SIK2: variants seen among roughly 807,000 people sequenced by gnomAD.
SIK2 encodes the protein serine/threonine-protein kinase SIK2.
Under a neutral mutation model 103.2 loss-of-function variants are expected in SIK2, and 29 were observed. The ratio of observed to expected loss-of-function variants is 0.28; its 90% CI spans 0.21 to 0.38. The LOEUF (loss-of-function observed/expected upper bound fraction) is 0.38. Among genes scored for constraint, SIK2 ranks in the 10% least tolerant of loss-of-function variants. The pLI, the probability that SIK2 is intolerant of heterozygous loss-of-function variation, is 1.00. For missense variants in SIK2, 879 were observed against 1,171.0 expected (o/e 0.75, Z 3.64); for synonymous variants, 412 against 446.1 (o/e 0.92, Z 0.96).
Position 111,722,354 on chromosome 11 carries a change from G to A in SIK2, c.2056-311G>A, listed in dbSNP as rs1943827485. ...CCGTAAAGGATGAATCATTCATTCAGCGGGTGCTGGGGCCTTTGCTCTCAA... is the reference window on the plus strand; with the variant it reads ...CCGTAAAGGATGAATCATTCATTCAACGGGTGCTGGGGCCTTTGCTCTCAA... On this transcript the variant is annotated intron_variant, in intron 13 of 14. Coordinates refer to ENST00000304987, the MANE Select transcript of SIK2 (RefSeq NM_015191.3). The surrounding 1 kb of genome is among the most constrained non-coding windows in gnomAD (Gnocchi z 4.4). 6.6e-6 allele frequency among the ~76,000 whole-genome samples: 1 copy of A among 152,240 alleles called. No individual in the cohort carries two copies. Among genetic ancestry groups the A allele is most frequent in the South Asian group, 2.1e-4 (1 of 4,834 alleles).
rs1389498947 is a variant in SIK2, at chr11:111,679,658, A to C, written c.317-8343A>C. On this transcript the variant is annotated intron_variant, in intron 3 of 14. Coordinates refer to ENST00000304987, the MANE Select transcript of SIK2 (RefSeq NM_015191.3). ...CTAATTAATACAGAATCAGACACCT[A>C]ATCCATTTTCTGCTAGTGTTCACAT... 2.0e-5 allele frequency among the ~76,000 whole-genome samples: 3 copies of C among 152,178 alleles called. No homozygotes were observed. In the East Asian group the frequency reaches 5.8e-4, roughly 29 times the overall value.
chr11:111,653,205 A>G (rs1461591462), intron 3 of SIK2, among the ~76,000 whole-genome samples: 1 of 152,210 alleles, frequency 6.6e-6, no homozygotes, highest in Non-Finnish European at 1.5e-5. Context: ...GCCATCCAAC[A>G]GTAAAGGTAA....
chr11:111,632,145 G>A (rs1175239309), intron 3 of SIK2, among the ~76,000 whole-genome samples: 1 of 152,274 alleles, frequency 6.6e-6, no homozygotes, highest in East Asian at 1.9e-4. Context: ...TTCACATTTG[G>A]CTTCAAGCTT....
At chr11:111,698,830 T>A (rs1943143125) in intron 4 of SIK2, among the ~76,000 whole-genome samples, 1 of 152,264 alleles carries the variant, frequency 6.6e-6, no homozygotes, top group Non-Finnish European at 1.5e-5. Flanking sequence ...TTATTGTATG[T>A]ATTTCAGGAT....
intron 3 of SIK2, among the ~76,000 whole-genome samples, chr11:111,651,496 A>G (rs1942325517): frequency 6.6e-6 from 1 of 152,120 alleles, no homozygotes; most frequent in African/African-American, 2.4e-5. Context: ...ACACAAAGAC[A>G]CAGGGCGGGG....
rs1943205725 is a variant in SIK2, at chr11:111,701,255, CA to C, written c.604-194del. ...AAGTAGTAATCAAAATTATCAGATTCAAATTCTTTGGTATTTATTATAAGAT... is the reference window on the plus strand; with the variant it reads ...AAGTAGTAATCAAAATTATCAGATTCAATTCTTTGGTATTTATTATAAGAT... On this transcript the variant is annotated intron_variant, in intron 5 of 14. Transcript: ENST00000304987. The surrounding 1 kb of genome is among the most constrained non-coding windows in gnomAD (Gnocchi z 4.2). 6.6e-6 allele frequency among the ~76,000 whole-genome samples: 1 copy of C among 152,138 alleles called. No individual in the cohort carries two copies. Among genetic ancestry groups the C allele is most frequent in the Admixed American group, 6.5e-5 (1 of 15,272 alleles).
intron 9 of SIK2, among the ~76,000 whole-genome samples, chr11:111,717,183 A>T (rs1335489724): frequency 2.0e-5 from 3 of 151,594 alleles, no homozygotes; most frequent in African/African-American, 4.8e-5. Context: ...GGGCGTGGTG[A>T]TGGGCGCCTG....
chr11:111,721,686 A>C (rs1943805322), intron 12 of SIK2, 144 bp from the exon 13 acceptor site: 1 of 572,286 alleles, frequency 1.7e-6, no homozygotes, highest in Non-Finnish European at 3.1e-6. Flanking sequence ...CCCTCAGCCT[A>C]CTGGCTCTGT....
Position 111,602,644 on chromosome 11 carries a change from C to G in SIK2, c.81C>G (p.Gly27=). Residue 27 remains glycine, a synonymous_variant, in exon 1 of 15, where the codon GGC becomes GGG. Coordinates refer to ENST00000304987, the MANE Select transcript of SIK2 (RefSeq NM_015191.3). The surrounding 1 kb of genome is among the most constrained non-coding windows in gnomAD (Gnocchi z 4.5). ...VGFYDIEGTL[G]KGNFAVVKLG... ...TCTACGACATCGAGGGCACGCTGGG[C>G]AAGGGCAACTTCGCTGTGGTGAAGC... The G allele has an allele frequency of 1.3e-6, 2 of 1,533,202 alleles. No homozygotes were observed. Among genetic ancestry groups the G allele is most frequent in the Non-Finnish European group, 1.8e-6 (2 of 1,139,120 alleles). The allele number at this position is 1,533,202 out of a possible 1,614,324, so 95.0% of individuals were successfully genotyped here.
intron 9 of SIK2, among the ~76,000 whole-genome samples, chr11:111,718,187 C>T (rs1371866658): frequency 6.6e-6 from 1 of 152,148 alleles, no homozygotes; most frequent in East Asian, 1.9e-4. Flanking sequence ...AATTAATGAT[C>T]TTCTTTTCTC....
intron 3 of SIK2, among the ~76,000 whole-genome samples, chr11:111,681,972 G>A (rs2135888609): frequency 6.6e-6 from 1 of 152,246 alleles, no homozygotes; most frequent in East Asian, 1.9e-4. Flanking sequence ...AAACTCTAAG[G>A]GTAAGTCCCA....
intron 4 of SIK2, among the ~76,000 whole-genome samples, chr11:111,694,363 A>AT (rs1943021422): frequency 6.6e-6 from 1 of 152,138 alleles, no homozygotes. Flanking sequence ...CTTAAATGTA[A>AT]TTAGTATTGT....
intron 3 of SIK2, among the ~76,000 whole-genome samples, chr11:111,670,654 A>G (rs760824060): frequency 1.3e-5 from 2 of 152,262 alleles, no homozygotes; most frequent in African/African-American, 4.8e-5. Flanking sequence ...GGATTTATGC[A>G]GTTCTAACAG....
At chr11:111,671,999 G>A in intron 3 of SIK2, 1 of 519,876 alleles carries the variant, frequency 1.9e-6, no homozygotes, top group Non-Finnish European at 3.8e-6. Context: ...GCCATCTTCT[G>A]CTGCTGCAGG....
intron 3 of SIK2, among the ~76,000 whole-genome samples, chr11:111,629,813 C>T (rs1324963926): frequency 1.3e-5 from 2 of 152,040 alleles, no homozygotes; most frequent in Non-Finnish European, 2.9e-5. Context: ...AAAAAACTGA[C>T]AACAATAAAT....
chr11:111,679,944 G>GT (rs1942755552), intron 3 of SIK2, among the ~76,000 whole-genome samples: 1 of 152,138 alleles, frequency 6.6e-6, no homozygotes, highest in Admixed American at 6.5e-5. Context: ...CCAACATGGT[G>GT]AAACCCCATC....
In SIK2 at chr11:111,723,875, C is replaced by G. The variant is rs149819706; in HGVS notation, c.2527C>G (p.Gln843Glu). The change falls in exon 15 of 15, where the codon CAG becomes GAG. Residue 843 changes from glutamine to glutamate, a missense_variant. By Grantham distance (29) the Gln-to-Glu change is conservative. Transcript: ENST00000304987. Reference protein sequence around the residue: ...RQPGAAPAPLQFSYQTCELPS... With the variant: ...RQPGAAPAPLEFSYQTCELPS... Reference sequence around the variant, plus strand: ...GCCAGGAGCTGCCCCAGCCCCCTTACAGTTCTCCTATCAGACTTGTGAGCT... The same window carrying G: ...GCCAGGAGCTGCCCCAGCCCCCTTAGAGTTCTCCTATCAGACTTGTGAGCT... 175 of 1,534,034 alleles carry G rather than the reference C, an allele frequency of 1.1e-4. No individual in the cohort carries two copies. In the African/African-American group the frequency reaches 2.2e-3, roughly 19 times the overall value.
chr11:111,656,121 C>T (rs1942389400), intron 3 of SIK2, among the ~76,000 whole-genome samples: 1 of 151,786 alleles, frequency 6.6e-6, no homozygotes, highest in Admixed American at 6.6e-5. Flanking sequence ...GCCTTGGGGG[C>T]AGAGGTTGCA....
rs183481741 is a variant in SIK2, at chr11:111,728,369, A to T, written c.*4240A>T. ...AGTGGCGTGATTTCAGCTCACTGCA[A>T]CCTCCACCTCCTGGGTTCAAGCCAT... On this transcript the variant is annotated 3_prime_UTR_variant, in exon 15 of 15. Coordinates refer to ENST00000304987, the MANE Select transcript of SIK2 (RefSeq NM_015191.3). 1,110 of 151,738 alleles carry T rather than the reference A, an allele frequency of 7.3e-3. 7 individuals carry two copies. Among genetic ancestry groups the T allele is most frequent in the Middle Eastern group, 0.054 (16 of 296 alleles). The allele number at this position is 151,738 out of a possible 1,614,324, so 9.4% of individuals were successfully genotyped here. A position where few individuals can be genotyped will look rare whatever the true frequency, so the allele number is the denominator to read the frequency against.
Sources: gnomAD v4.1 joint callset for allele counts (sites outside exome capture counted in the v4.1 genomes callset) on GRCh38, gnomAD v4.1.1 for gene constraint, Gnocchi (gnomAD v3.1) non-coding constraint, MANE v1.5 for transcripts, NCBI Gene and HGNC (gene_info 2026-07-23, HGNC 2026-07-21) for gene names.